The following KCNH1 variants were observed in gnomAD, a reference collection of about 807,000 sequenced individuals.
KCNH1 encodes the protein potassium voltage-gated channel subfamily H member 1.
A neutral mutation model predicts 69.2 loss-of-function variants in KCNH1; 27 were observed. That is an observed-to-expected ratio of 0.39 (90% CI 0.29 to 0.54). KCNH1 has a LOEUF of 0.54. Among genes scored for constraint, KCNH1 ranks in the 20% least tolerant of loss-of-function variants. The pLI, the probability that KCNH1 is intolerant of heterozygous loss-of-function variation, is 0.68. For synonymous variants in KCNH1, 456 were observed against 487.7 expected (o/e 0.93, Z 0.86); for missense variants, 798 against 1,261.6 (o/e 0.63, Z 5.57).
At chr1:210,870,262 T>C (rs1244743309) in intron 7 of KCNH1, among the ~76,000 whole-genome samples, 2 of 152,156 alleles carry the variant, frequency 1.3e-5, no homozygotes, top group South Asian at 2.1e-4. Context: ...ATATTATCTA[T>C]GTTAATACAG....
In KCNH1 at chr1:211,075,218, T is replaced by C. The variant is rs545964617; in HGVS notation, c.558+7562A>G. Among the ~76,000 whole-genome samples, 25 of 152,308 alleles carry C rather than the reference T, an allele frequency of 1.6e-4. 1 individual carries two copies. The highest frequency in any genetic ancestry group is 4.6e-4 in the African/African-American group (19 of 41,566). ...TCTATCATCAGCCAAGCCCACATCA[T>C]GACAAAAAATGATGCTACCATCATC... On this transcript the variant is annotated intron_variant, in intron 5 of 10. Transcript: ENST00000271751.
intron 5 of KCNH1, among the ~76,000 whole-genome samples, chr1:211,023,160 A>AAATTAATT (rs367671816): frequency 9.9e-6 from 1 of 100,508 alleles, no homozygotes; most frequent in Non-Finnish European, 2.1e-5. Context: ...ATAAATAAAT[A>AAATTAATT]AATTAAAAAT....
intron 7 of KCNH1, among the ~76,000 whole-genome samples, chr1:210,904,837 G>A (rs1035570288): frequency 1.2e-4 from 19 of 152,176 alleles, no homozygotes; most frequent in African/African-American, 4.6e-4. Context: ...ATGAAATAGA[G>A]CCATTACCTC....
intron 6 of KCNH1, among the ~76,000 whole-genome samples, chr1:210,928,896 T>C (rs770531661): frequency 5.3e-5 from 8 of 152,088 alleles, no homozygotes; most frequent in Non-Finnish European, 8.8e-5. Flanking sequence ...AAGGCTACAA[T>C]GAAAACCTTT....
chr1:210,788,832 G>C (rs1684158821), intron 9 of KCNH1, among the ~76,000 whole-genome samples: 1 of 148,224 alleles, frequency 6.7e-6, no homozygotes, highest in African/African-American at 2.5e-5. Context: ...AAGTAGCTGG[G>C]ACTACAGGCG....
chr1:210,735,706 A>T (rs769573140), intron 10 of KCNH1, among the ~76,000 whole-genome samples: 19 of 152,018 alleles, frequency 1.2e-4, no homozygotes, highest in Non-Finnish European at 2.1e-4. Flanking sequence ...ATCAATCTAT[A>T]CCATTCTTTC....
At chr1:211,080,074 G>A (rs558340645) in intron 5 of KCNH1, among the ~76,000 whole-genome samples, 24 of 152,272 alleles carry the variant, frequency 1.6e-4, no homozygotes, top group Non-Finnish European at 2.5e-4. Context: ...AAACCCCATC[G>A]TCTCAGCCCA....
intron 10 of KCNH1, among the ~76,000 whole-genome samples, chr1:210,763,031 A>C (rs961701974): frequency 1.3e-5 from 2 of 152,202 alleles, no homozygotes; most frequent in African/African-American, 4.8e-5. Flanking sequence ...CACTGTGAGC[A>C]AGTGGGCTTT....
intron 5 of KCNH1, among the ~76,000 whole-genome samples, chr1:211,070,645 G>A (rs1043006805): frequency 1.3e-5 from 2 of 151,796 alleles, no homozygotes; most frequent in Admixed American, 6.6e-5. Context: ...CCAACATGGC[G>A]AAACCCCGTC....
chr1:210,955,973 C>G (rs1036163903), intron 6 of KCNH1, among the ~76,000 whole-genome samples: 5 of 152,130 alleles, frequency 3.3e-5, no homozygotes, highest in African/African-American at 9.7e-5. Context: ...GCATCCCTGT[C>G]TTGTGCCAGT....
At chr1:210,953,439 T>C (rs933528107) in intron 6 of KCNH1, among the ~76,000 whole-genome samples, 2 of 152,204 alleles carry the variant, frequency 1.3e-5, no homozygotes, top group African/African-American at 4.8e-5. Context: ...CTGACAATTA[T>C]CTTTCTCAAA....
At chr1:211,118,241 T>G (rs998830548) in intron 1 of KCNH1, among the ~76,000 whole-genome samples, 1 of 152,214 alleles carries the variant, frequency 6.6e-6, no homozygotes, top group Non-Finnish European at 1.5e-5. Context: ...CACGTATGTG[T>G]ATATATGTAT....
At chr1:210,736,540 T>TCC (rs199890336) in intron 10 of KCNH1, among the ~76,000 whole-genome samples, 4 of 149,776 alleles carry the variant, frequency 2.7e-5, no homozygotes, top group African/African-American at 7.3e-5. Context: ...TGAAACTCCA[T>TCC]CCCCCCTCCA....
At chr1:210,841,149 C>T (rs1685401024) in intron 7 of KCNH1, among the ~76,000 whole-genome samples, 1 of 152,168 alleles carries the variant, frequency 6.6e-6, no homozygotes, top group Admixed American at 6.6e-5. Context: ...GTTAAATACC[C>T]TTTAACTATT....
At chr1:210,778,943 A>G (rs1683918113) in intron 9 of KCNH1, among the ~76,000 whole-genome samples, 1 of 152,236 alleles carries the variant, frequency 6.6e-6, no homozygotes, top group African/African-American at 2.4e-5. Flanking sequence ...TGGGCATGTA[A>G]TTACCCATAT....
Position 211,036,390 on chromosome 1 carries a change from C to T in KCNH1, c.559-17134G>A, listed in dbSNP as rs563897471. On this transcript the variant is annotated intron_variant, in intron 5 of 10. Coordinates refer to ENST00000271751, the MANE Select transcript of KCNH1 (RefSeq NM_172362.3). Reference sequence around the variant, plus strand: ...AATGTAACTTTCTTAAGTTTTAAGACTGGGACGGTCAATTTCTATGTTTCT... The same window carrying T: ...AATGTAACTTTCTTAAGTTTTAAGATTGGGACGGTCAATTTCTATGTTTCT... 3.9e-5 allele frequency among the ~76,000 whole-genome samples: 6 copies of T among 152,278 alleles called. No homozygotes were observed. In the South Asian group the frequency reaches 1.2e-3, roughly 32 times the overall value.
intron 5 of KCNH1, among the ~76,000 whole-genome samples, chr1:211,021,718 A>G (rs1689589115): frequency 2.0e-5 from 3 of 152,138 alleles, no homozygotes; most frequent in Admixed American, 2.0e-4. Flanking sequence ...AATCAAAGGA[A>G]CAATTCCATT....
At chr1:211,100,646 C>T (rs965758334) in intron 3 of KCNH1, among the ~76,000 whole-genome samples, 24 of 152,318 alleles carry the variant, frequency 1.6e-4, no homozygotes, top group African/African-American at 4.8e-4. Flanking sequence ...CCACTGCACC[C>T]GGCCCCTCAT....
At chr1:210,873,889 T>G (rs1279588103) in intron 7 of KCNH1, among the ~76,000 whole-genome samples, 8 of 152,164 alleles carry the variant, frequency 5.3e-5, no homozygotes, top group Admixed American at 5.2e-4. Flanking sequence ...ATAATTCAGT[T>G]AAGTGGAATT....
Sources: allele counts gnomAD v4.1 joint callset (sites outside exome capture counted in the v4.1 genomes callset), GRCh38; gene constraint gnomAD v4.1.1; transcripts MANE v1.5; gene names NCBI Gene and HGNC (gene_info 2026-07-23, HGNC 2026-07-21).